Variants in ABTB3 observed in about 807,000 individuals in gnomAD.
The protein encoded by ABTB3 is ankyrin repeat and BTB domain containing 3, also known as ankyrin repeat- and BTB/POZ domain-containing protein 3.
At chr12:107,470,074 C>T in the ABTB3 span, among the ~76,000 whole-genome samples, 4 of 147,628 alleles carry the variant, frequency 2.7e-5, no homozygotes, top group South Asian at 2.2e-4. Flanking sequence ...AGTCTTGCTT[C>T]GTAACCCAGG....
the ABTB3 span, among the ~76,000 whole-genome samples, chr12:107,487,801 A>G: frequency 3.3e-5 from 5 of 152,166 alleles, no homozygotes; most frequent in Non-Finnish European, 1.5e-5. Flanking sequence ...GAAAGGAAGG[A>G]CACTGGAAAA....
At chr12:107,578,544 A>C in the ABTB3 span, among the ~76,000 whole-genome samples, 1 of 151,804 alleles carries the variant, frequency 6.6e-6, no homozygotes, top group Admixed American at 6.6e-5. Context: ...AGGGTTGTGG[A>C]CTGTGCTCTG....
the ABTB3 span, chr12:107,319,140 A>G: frequency 6.2e-7 from 1 of 1,603,278 alleles, no homozygotes; most frequent in Non-Finnish European, 8.5e-7. Context: ...AACAGCTTTG[A>G]CACTGTCAAC....
the ABTB3 span, among the ~76,000 whole-genome samples, chr12:107,589,020 G>A: frequency 6.6e-6 from 1 of 152,180 alleles, no homozygotes; most frequent in Admixed American, 6.5e-5. Context: ...CTTACTCTCT[G>A]TGTGACTTTA....
At chr12:107,542,003 T>A in the ABTB3 span, among the ~76,000 whole-genome samples, 8 of 151,820 alleles carry the variant, frequency 5.3e-5, no homozygotes, top group African/African-American at 1.9e-4. Context: ...CCTGGCCAAG[T>A]TGACACATAA....
At chr12:107,460,690 T>G in the ABTB3 span, among the ~76,000 whole-genome samples, 1 of 151,986 alleles carries the variant, frequency 6.6e-6, no homozygotes, top group Non-Finnish European at 1.5e-5. Flanking sequence ...AAACTCTAGC[T>G]CTCCCTCAGA....
the ABTB3 span, among the ~76,000 whole-genome samples, chr12:107,397,281 T>A: frequency 6.6e-6 from 1 of 152,224 alleles, no homozygotes; most frequent in African/African-American, 2.4e-5. Flanking sequence ...GTCCTTGGTA[T>A]TATTAGACTT....
the ABTB3 span, among the ~76,000 whole-genome samples, chr12:107,503,777 A>AAAAAAAAAAAAAG: frequency 2.7e-5 from 4 of 150,364 alleles, no homozygotes; most frequent in African/African-American, 9.8e-5. Context: ...AAAAAAAAGA[A>AAAAAAAAAAAAAG]GAAGAAGAAG....
the ABTB3 span, among the ~76,000 whole-genome samples, chr12:107,421,445 C>T: frequency 6.6e-6 from 1 of 152,126 alleles, no homozygotes; most frequent in African/African-American, 2.4e-5. Flanking sequence ...CGCTCTGTGC[C>T]TCTTTAATGA....
chr12:107,470,018 C>CTCTCTCTCTTTCTT, the ABTB3 span, among the ~76,000 whole-genome samples: 1 of 115,564 alleles, frequency 8.7e-6, no homozygotes. Flanking sequence ...CTTTCTCTCT[C>CTCTCTCTCTTTCTT]TCTCTCTCTC....
At chr12:107,479,023 C>T in the ABTB3 span, among the ~76,000 whole-genome samples, 1 of 152,124 alleles carries the variant, frequency 6.6e-6, no homozygotes, top group Non-Finnish European at 1.5e-5. Context: ...TCCCTCCTTC[C>T]CATAAGGTAT....
the ABTB3 span, among the ~76,000 whole-genome samples, chr12:107,576,633 A>G: frequency 9.8e-5 from 15 of 152,294 alleles, no homozygotes; most frequent in African/African-American, 3.6e-4. Context: ...CAACATAGGA[A>G]TTTGGGGGAA....
At chr12:107,618,470 C>T in the ABTB3 span, 1 of 1,082,810 alleles carries the variant, frequency 9.2e-7, no homozygotes, top group East Asian at 2.6e-5. Flanking sequence ...CACACATACA[C>T]ATGCAAAACA....
chr12:107,497,554 G>A, the ABTB3 span, among the ~76,000 whole-genome samples: 15 of 149,700 alleles, frequency 1.0e-4, no homozygotes, highest in South Asian at 4.3e-4. Context: ...CAGCATCATC[G>A]TCACCACCAT....
At chr12:107,637,793 TGTGTGTGTGTGTGTGTG>T in the ABTB3 span, among the ~76,000 whole-genome samples, 1 of 14,584 alleles carries the variant, frequency 6.9e-5, no homozygotes, top group Non-Finnish European at 2.9e-4. Flanking sequence ...ATTTTGTGTG[TGTGTGTGTGTGTGTGTG>T]TGTGTGTGTG....
chr12:107,552,777 C>T, the ABTB3 span, among the ~76,000 whole-genome samples: 1 of 152,166 alleles, frequency 6.6e-6, no homozygotes, highest in Non-Finnish European at 1.5e-5. Flanking sequence ...GCTTCCTTCC[C>T]TCTGTGCCAT....
the ABTB3 span, among the ~76,000 whole-genome samples, chr12:107,634,512 C>G: frequency 1.3e-5 from 2 of 152,080 alleles, no homozygotes; most frequent in African/African-American, 4.8e-5. Flanking sequence ...CAATGTAACC[C>G]CTTTGAGCCC....
the ABTB3 span, among the ~76,000 whole-genome samples, chr12:107,408,435 G>A: frequency 6.6e-6 from 1 of 152,200 alleles, no homozygotes; most frequent in Non-Finnish European, 1.5e-5. Context: ...GGAGCTTTTT[G>A]ACTGTGGGTG....
the ABTB3 span, among the ~76,000 whole-genome samples, chr12:107,539,705 A>G: frequency 6.6e-6 from 1 of 152,144 alleles, no homozygotes; most frequent in African/African-American, 2.4e-5. Flanking sequence ...AGCCCAGGAG[A>G]ACTGCTTATT....
Sources: allele counts gnomAD v4.1 joint callset (sites outside exome capture counted in the v4.1 genomes callset), GRCh38; gene constraint gnomAD v4.1.1; transcripts MANE v1.5; gene names NCBI Gene and HGNC (gene_info 2026-07-23, HGNC 2026-07-21).